Variants in PRKAR1A observed in about 807,000 individuals in gnomAD.
PRKAR1A encodes protein kinase cAMP-dependent type I regulatory subunit alpha.
A neutral mutation model predicts 52.0 loss-of-function variants in PRKAR1A; 3 were observed. The observed-to-expected ratio is 0.06, with a 90% confidence interval of 0.03 to 0.15. The LOEUF is 0.15. Ranked by LOEUF, PRKAR1A falls within the 10% of genes least tolerant of loss-of-function variation. The pLI is 1.00. For missense variants in PRKAR1A, 240 were observed against 477.4 expected, an observed-to-expected ratio of 0.50 and a Z score of 4.63; for synonymous variants, 188 against 168.4, an observed-to-expected ratio of 1.12 and a Z score of -0.90.
chr17:68,509,467 A>T (rs1285949350), upstream of PRKAR1A, among the ~76,000 whole-genome samples: 1 of 152,208 alleles, frequency 6.6e-6, no homozygotes, highest in Non-Finnish European at 1.5e-5. Context: ...GTTAAACAGG[A>T]AAATTTACTT....
At chr17:68,545,402 C>T (rs377694923) in intron 11 of PRKAR1A, among the ~76,000 whole-genome samples, 183 of 152,316 alleles carry the variant, frequency 1.2e-3, no homozygotes, top group African/African-American at 4.1e-3. Context: ...TTTGGTTCCC[C>T]ACCCAAGGCA....
At chr17:68,434,045 C>T in the PRKAR1A span, among the ~76,000 whole-genome samples, 8 of 151,986 alleles carry the variant, frequency 5.3e-5, no homozygotes, top group African/African-American at 1.9e-4. Context: ...GCTGGGATTA[C>T]AGACGTGAGC....
chr17:68,486,942 C>T, the PRKAR1A span, among the ~76,000 whole-genome samples: 4 of 151,864 alleles, frequency 2.6e-5, no homozygotes, highest in East Asian at 5.8e-4. Context: ...GGCATGATCT[C>T]GGCTCACTGC....
chr17:68,504,369 A>G, the PRKAR1A span, among the ~76,000 whole-genome samples: 32 of 152,244 alleles, frequency 2.1e-4, no homozygotes, highest in South Asian at 6.4e-3. Context: ...TGGGAGGCTG[A>G]GGCATGAGAA....
rs1389740572 is a variant in PRKAR1A, at chr17:68,515,471, G to A, written c.72G>A (p.Lys24=). The A allele has an allele frequency of 6.2e-7, 1 of 1,613,698 alleles. No individual in the cohort carries two copies. The highest frequency in any genetic ancestry group is 1.7e-5 in the Admixed American group (1 of 60,016). Reference sequence around the variant, plus strand: ...GAGAATGTGAGCTCTACGTCCAGAAGCATAACATTCAAGCGCTGCTCAAAG... The same window carrying A: ...GAGAATGTGAGCTCTACGTCCAGAAACATAACATTCAAGCGCTGCTCAAAG... ...SLRECELYVQ[K]HNIQALLKDS... The change falls in exon 2 of 11, where the codon AAG becomes AAA. Residue 24 remains lysine (K), a synonymous_variant. Coordinates refer to ENST00000589228, the MANE Select transcript of PRKAR1A (RefSeq NM_002734.5).
intron 9 of PRKAR1A, 35 bp downstream of exon 9, chr17:68,529,026 A>C: frequency 1.2e-6 from 2 of 1,612,618 alleles, no homozygotes; most frequent in Non-Finnish European, 1.7e-6. Context: ...TGAATTTTAG[A>C]GGTAAAGAAC....
the PRKAR1A span, chr17:68,420,607 G>A: frequency 1.0e-6 from 1 of 979,768 alleles, no homozygotes; most frequent in South Asian, 1.6e-5. Context: ...TATCCCTTCT[G>A]TATCCTGTCC....
chr17:68,520,723 T>C (rs1171362216), intron 2 of PRKAR1A, among the ~76,000 whole-genome samples: 1 of 152,216 alleles, frequency 6.6e-6, no homozygotes. Context: ...TTGCTGTTTT[T>C]AAAAGACTCA....
chr17:68,466,585 T>A, the PRKAR1A span, among the ~76,000 whole-genome samples: 4 of 151,854 alleles, frequency 2.6e-5, no homozygotes, highest in South Asian at 8.3e-4. Context: ...CTCATTTCTA[T>A]ATTTTTAGTA....
At chr17:68,535,082 T>C (rs1301045855), downstream of PRKAR1A, 4 of 359,812 alleles carry the variant, frequency 1.1e-5, no homozygotes, top group African/African-American at 6.4e-5. Flanking sequence ...CCGTTCATTT[T>C]TTAGTTTGCT....
chr17:68,436,987 C>T, the PRKAR1A span, among the ~76,000 whole-genome samples: 40 of 105,724 alleles, frequency 3.8e-4, no homozygotes, highest in East Asian at 5.0e-3. Context: ...GAGTGAGACC[C>T]CGTCTCAAAA....
rs2085742484 is a variant in PRKAR1A, at chr17:68,525,012, C to T, written c.549+54C>T. Reference sequence around the variant, plus strand: ...TGATCTTAAAAGCCAATGTATTGATCGCTTCCGAGCAATAAGAATAGTGAT... The same window carrying T: ...TGATCTTAAAAGCCAATGTATTGATTGCTTCCGAGCAATAAGAATAGTGAT... On this transcript the variant is annotated intron_variant, in intron 6 of 10. Transcript: ENST00000589228. 1.9e-5 allele frequency: 27 copies of T among 1,390,626 alleles called. 1 individual carries two copies. Among genetic ancestry groups the T allele is most frequent in the Middle Eastern group, 1.8e-4 (1 of 5,544 alleles). The allele number at this position is 1,390,626 out of a possible 1,614,324, so 86.1% of individuals were successfully genotyped here.
At chr17:68,428,735 A>T in the PRKAR1A span, 1 of 948,856 alleles carries the variant, frequency 1.1e-6, no homozygotes, top group Middle Eastern at 2.6e-4. Flanking sequence ...GAACAAATCA[A>T]TGCAAGGGCA....
chr17:68,527,346 T>C (rs2085824282), intron 7 of PRKAR1A, among the ~76,000 whole-genome samples: 1 of 152,202 alleles, frequency 6.6e-6, no homozygotes, highest in African/African-American at 2.4e-5. Context: ...TGCATTTAAA[T>C]ACCAGCGTTG....
At chr17:68,525,617 G>A (rs2085765067) in intron 6 of PRKAR1A, 137 bp from the exon 7 acceptor site, 1 of 891,860 alleles carries the variant, frequency 1.1e-6, no homozygotes, top group Non-Finnish European at 1.8e-6. Flanking sequence ...CTTCTCTGTT[G>A]TGTACTGCAA....
At chr17:68,461,296 G>C in the PRKAR1A span, among the ~76,000 whole-genome samples, 1 of 152,176 alleles carries the variant, frequency 6.6e-6, no homozygotes. This position sits in a 1 kb window ranked among gnomAD's most constrained non-coding sequence, Gnocchi z 4.6. Context: ...GGAAAATAAA[G>C]CTGGGCTCTG....
the PRKAR1A span, among the ~76,000 whole-genome samples, chr17:68,486,471 C>CTCCTTCCTTCCTTCCTTCCTTCCT: frequency 1.0e-5 from 1 of 97,536 alleles, no homozygotes; most frequent in Non-Finnish European, 2.0e-5. Flanking sequence ...CTTTCTTTCT[C>CTCCTTCCTTCCTTCCTTCCTTCCT]TCCTTCCTTC....
chr17:68,464,045 A>T, the PRKAR1A span, among the ~76,000 whole-genome samples: 1 of 152,250 alleles, frequency 6.6e-6, no homozygotes, highest in African/African-American at 2.4e-5. Flanking sequence ...GAACCTGAGA[A>T]AATGGAAATC....
At chr17:68,496,103 G>T in the PRKAR1A span, among the ~76,000 whole-genome samples, 1 of 107,638 alleles carries the variant, frequency 9.3e-6, no homozygotes, top group African/African-American at 3.7e-5. Context: ...GTGCAGTGGC[G>T]CTATCTCGGC....
Sources: allele counts gnomAD v4.1 joint callset (sites outside exome capture counted in the v4.1 genomes callset), GRCh38; gene constraint gnomAD v4.1.1; non-coding constraint Gnocchi (gnomAD v3.1); transcripts MANE v1.5; gene names NCBI Gene and HGNC (gene_info 2026-07-23, HGNC 2026-07-21).